The following UVRAG variants were observed in gnomAD, a reference collection of about 807,000 sequenced individuals.
The protein encoded by UVRAG is UV radiation resistance associated.
Under a neutral mutation model 78.0 loss-of-function variants are expected in UVRAG, and 19 were observed. That is an observed-to-expected ratio of 0.24 (90% confidence interval 0.17 to 0.36). The LOEUF is 0.36. Among genes scored for constraint, UVRAG ranks in the 10% least tolerant of loss-of-function variants. UVRAG has a pLI of 1.00. For synonymous variants in UVRAG, 323 were observed against 324.6 expected, an observed-to-expected ratio of 1.00 and a Z score of 0.05; for missense variants, 740 against 853.8, an observed-to-expected ratio of 0.87 and a Z score of 1.66.
At chr11:75,999,524 G>A (rs973918416) in intron 8 of UVRAG, among the ~76,000 whole-genome samples, 14 of 151,730 alleles carry the variant, frequency 9.2e-5, no homozygotes, top group Non-Finnish European at 2.1e-4. Flanking sequence ...GGGATTACAG[G>A]CGCACACCAC....
chr11:75,820,021 C>G (rs1945350777), intron 1 of UVRAG, among the ~76,000 whole-genome samples: 1 of 152,156 alleles, frequency 6.6e-6, no homozygotes. Flanking sequence ...AGATCTTGCT[C>G]TGTTGCCCAG....
intron 6 of UVRAG, among the ~76,000 whole-genome samples, chr11:75,951,350 TGTGTGTG>T (rs1948696414): frequency 6.7e-6 from 1 of 149,832 alleles, no homozygotes; most frequent in Non-Finnish European, 1.5e-5. Flanking sequence ...TGTGTGTGTG[TGTGTGTG>T]TGTATATATT....
rs146122619 is a variant in UVRAG at position 75,897,871 on chromosome 11, A to ATTTTTTTTTT, written c.507+8977_507+8986dup. 1.7e-3 allele frequency among the ~76,000 whole-genome samples: 189 copies of ATTTTTTTTTT among 108,864 alleles called. 6 individuals carry two copies. The highest frequency in any genetic ancestry group is 7.2e-3 in the African/African-American group (177 of 24,716). 71.4% of individuals were successfully genotyped at this position (108,864 alleles called of 152,430 possible). On this transcript the variant is annotated intron_variant, in intron 5 of 14. Transcript: ENST00000356136. ...ATATACTTACCTTCATAGCTCTTTA[A>ATTTTTTTTTT]TTTTTTTTTTTTTTTTTTGGACAAG...
intron 14 of UVRAG, among the ~76,000 whole-genome samples, chr11:76,131,552 A>T (rs1952512593): frequency 6.6e-6 from 1 of 152,196 alleles, no homozygotes; most frequent in South Asian, 2.1e-4. Flanking sequence ...TTGTTCAGTT[A>T]TACCTTTTTA....
intron 13 of UVRAG, among the ~76,000 whole-genome samples, chr11:76,111,730 G>A (rs192065696): frequency 5.3e-4 from 80 of 152,082 alleles, no homozygotes; most frequent in East Asian, 1.9e-3. Flanking sequence ...ACCTTTCCCC[G>A]TGGGAAGGCT....
rs1014972653 is a variant in UVRAG, at chr11:75,982,018, G to A, written c.700-1369G>A. Among the ~76,000 whole-genome samples, 4 of 151,494 alleles carry A rather than the reference G, an allele frequency of 2.6e-5. No homozygotes were observed. In the South Asian group the frequency reaches 8.4e-4, roughly 32 times the overall value. ...GGTATTTATCAGAAAATTGTAACAC[G>A]TCTATCATGTCAGTATTGGCATCTG... On this transcript the variant is annotated intron_variant, in intron 7 of 14. Coordinates refer to ENST00000356136, the MANE Select transcript of UVRAG (RefSeq NM_003369.4).
chr11:76,016,717 CAT>C (rs1269428160), intron 11 of UVRAG, 96 bp from the exon 12 acceptor site: 1 of 1,089,632 alleles, frequency 9.2e-7, no homozygotes, highest in Non-Finnish European at 1.2e-6. Flanking sequence ...TTATGTACCA[CAT>C]ATTTTTATAA....
chr11:75,913,710 G>T (rs978566226), intron 6 of UVRAG, among the ~76,000 whole-genome samples: 2 of 152,122 alleles, frequency 1.3e-5, no homozygotes, highest in Admixed American at 6.5e-5. Context: ...ATGCTTTGAC[G>T]GTTTTCTGAC....
chr11:76,071,260 T>G (rs1290609120), intron 13 of UVRAG, among the ~76,000 whole-genome samples: 1 of 152,152 alleles, frequency 6.6e-6, no homozygotes, highest in Non-Finnish European at 1.5e-5. Flanking sequence ...TGAGCTTAGA[T>G]ATGAATGATG....
At chr11:76,075,261 T>TA (rs1951383040) in intron 13 of UVRAG, among the ~76,000 whole-genome samples, 2 of 147,894 alleles carry the variant, frequency 1.4e-5, no homozygotes, top group African/African-American at 5.3e-5. Flanking sequence ...AGTACTAAAT[T>TA]TAAAAAAAAG....
At chr11:75,910,384 A>G (rs957349233) in intron 5 of UVRAG, among the ~76,000 whole-genome samples, 2 of 152,008 alleles carry the variant, frequency 1.3e-5, no homozygotes, top group Non-Finnish European at 2.9e-5. Flanking sequence ...AACTAAGAGC[A>G]CTCTGGTTCC....
At chr11:76,009,143 A>C (rs1423719809) in intron 11 of UVRAG, among the ~76,000 whole-genome samples, 1 of 152,166 alleles carries the variant, frequency 6.6e-6, no homozygotes. Flanking sequence ...AAGAATACAA[A>C]TAATCGCCCT....
chr11:75,866,283 G>T (rs1460460993), intron 3 of UVRAG, among the ~76,000 whole-genome samples: 2 of 151,798 alleles, frequency 1.3e-5, no homozygotes, highest in African/African-American at 4.8e-5. Context: ...ACTTTAGGAG[G>T]CTGAGGCAGG....
chr11:75,909,857 C>T (rs1023838234), intron 5 of UVRAG, among the ~76,000 whole-genome samples: 2 of 151,954 alleles, frequency 1.3e-5, no homozygotes, highest in African/African-American at 2.4e-5. Flanking sequence ...GTATAATTTC[C>T]TTTGTGTGTG....
intron 12 of UVRAG, among the ~76,000 whole-genome samples, chr11:76,036,440 A>T (rs1398266726): frequency 6.6e-6 from 1 of 152,160 alleles, no homozygotes; most frequent in East Asian, 1.9e-4. Context: ...GAGGAGGCTG[A>T]AGTGGGAGGA....
At position 76,018,322 on chromosome 11, in the gene UVRAG, T is replaced by TA. The variant is rs911178829; in HGVS notation, c.1226+1354dup. Among the ~76,000 whole-genome samples the TA allele has an allele frequency of 4.5e-3, 650 of 145,872 alleles. 5 individuals are homozygous for TA. Among genetic ancestry groups the TA allele is most frequent in the Admixed American group, 4.8e-3 (70 of 14,678 alleles). On this transcript the variant is annotated intron_variant, in intron 12 of 14. Transcript: ENST00000356136. ...CTCCATTGTATGTTACTTGTTTCTT[T>TA]AAAAAAAAAAAAGATAGAGCTTTAT...
rs569817864 is a variant in UVRAG at position 75,979,088 on chromosome 11, T to TC, written c.700-4298dup. Among the ~76,000 whole-genome samples the TC allele has an allele frequency of 1.8e-3, 271 of 152,354 alleles. 1 individual carries two copies. The highest frequency in any genetic ancestry group is 3.6e-3 in the Admixed American group (55 of 15,302). ...ATCCTTTCTGTTTGTTAGTTTTCCT[T>TC]CTAACACTCAGGACCCTCAGCTGCA... On this transcript the variant is annotated intron_variant, in intron 7 of 14. Coordinates refer to ENST00000356136, the MANE Select transcript of UVRAG (RefSeq NM_003369.4).
intron 13 of UVRAG, among the ~76,000 whole-genome samples, chr11:76,090,108 C>T (rs1951668189): frequency 6.6e-6 from 1 of 152,154 alleles, no homozygotes; most frequent in Admixed American, 6.5e-5. Flanking sequence ...CTGACTGCAC[C>T]TCCATTTTTA....
chr11:75,959,127 G>C (rs1469668889), intron 6 of UVRAG, among the ~76,000 whole-genome samples: 1 of 152,204 alleles, frequency 6.6e-6, no homozygotes, highest in African/African-American at 2.4e-5. Context: ...AGGGTCTTCA[G>C]AGTTGCAAAT....
Sources: allele counts gnomAD v4.1 joint callset (sites outside exome capture counted in the v4.1 genomes callset), GRCh38; gene constraint gnomAD v4.1.1; transcripts MANE v1.5; gene names NCBI Gene and HGNC (gene_info 2026-07-23, HGNC 2026-07-21).